QRSL1: variants seen among roughly 807,000 people sequenced by gnomAD.
The protein encoded by QRSL1 is glutamyl-tRNA(Gln) amidotransferase subunit A, mitochondrial.
A neutral mutation model predicts 61.6 loss-of-function variants in QRSL1; 54 were observed. That is an observed-to-expected ratio of 0.88 (90% CI 0.70 to 1.10). QRSL1 has a LOEUF of 1.10. Among genes scored for constraint, QRSL1 ranks in the 50% least tolerant of loss-of-function variants. QRSL1 has a pLI of 0.00. For missense variants in QRSL1, 505 were observed against 622.6 expected, an observed-to-expected ratio of 0.81 and a Z score of 2.01; for synonymous variants, 228 against 225.7, an observed-to-expected ratio of 1.01 and a Z score of -0.09.
Position 106,652,302 on chromosome 6 carries a change from T to A in QRSL1, c.651T>A (p.Arg217=), listed in dbSNP as rs768131259. 6.2e-7 allele frequency: 1 copy of A among 1,614,208 alleles called. No individual in the cohort carries two copies. The highest frequency in any genetic ancestry group is 1.1e-5 in the South Asian group (1 of 91,082). ...GFKPSYGLVS[R]HGLIPLVNSM... Reference sequence around the variant, plus strand: ...AACCAAGCTATGGCTTAGTTTCCCGTCATGGTCTCATTCCCCTGGTGAATT... The same window carrying A: ...AACCAAGCTATGGCTTAGTTTCCCGACATGGTCTCATTCCCCTGGTGAATT... The change falls in exon 6 of 11, where the codon CGT becomes CGA. Residue 217 remains arginine, a synonymous_variant. Coordinates refer to ENST00000369046, the MANE Select transcript of QRSL1 (RefSeq NM_018292.5).
At chr6:106,652,175 C>G (rs1234867095) in intron 5 of QRSL1, 34 bp from the exon 6 acceptor site, 2 of 1,555,284 alleles carry the variant, frequency 1.3e-6, no homozygotes, top group Non-Finnish European at 1.8e-6. Flanking sequence ...AGAGATATAT[C>G]ATTCTTCTAA....
rs4031010 is a variant in QRSL1 at position 106,666,416 on chromosome 6, TAC to T, written c.*416_*417del. ...ATTCTTGTAATTAGGTTCTTGTTAA[TAC>T]AGTCATTCCATGGAATTACTTTTTA... On this transcript the variant is annotated 3_prime_UTR_variant, in exon 11 of 11. Transcript: ENST00000369046. 0.34 allele frequency: 60,451 copies of T among 176,524 alleles called. 10,949 individuals are homozygous for T. The highest frequency in any genetic ancestry group is 0.41 in the Non-Finnish European group (33,373 of 81,472). 10.9% of individuals were successfully genotyped at this position (176,524 alleles called of 1,614,324 possible). A position where few individuals can be genotyped will look rare whatever the true frequency, so the allele number is the denominator to read the frequency against.
At position 106,642,634 on chromosome 6, in the gene QRSL1, T is replaced by C; in HGVS notation, c.284-360T>C. The C allele has an allele frequency of 1.4e-5, 11 of 780,122 alleles. No homozygotes were observed. The Admixed American group carries it at 1.5e-4, about 11-fold the overall frequency. The allele number at this position is 780,122 out of a possible 1,614,324, so 48.3% of individuals were successfully genotyped here. A position where few individuals can be genotyped will look rare whatever the true frequency, so the allele number is the denominator to read the frequency against. The stretch of plus-strand genomic sequence containing the variant: ...CCCACAAGTGTTACCATGGCAAAAC[T>C]GGAGAGTACACAGTGTTCCCCAGCA... On this transcript the variant is annotated intron_variant, in intron 3 of 10. Transcript: ENST00000369046.
chr6:106,638,027 T>C (rs1776950785), intron 1 of QRSL1, among the ~76,000 whole-genome samples: 1 of 152,206 alleles, frequency 6.6e-6, no homozygotes, highest in South Asian at 2.1e-4. Flanking sequence ...CTTATACCAG[T>C]CTGGAAGCAG....
intron 4 of QRSL1, among the ~76,000 whole-genome samples, chr6:106,644,589 C>T (rs2114705770): frequency 6.6e-6 from 1 of 152,272 alleles, no homozygotes; most frequent in South Asian, 2.1e-4. Flanking sequence ...GGCACGATCT[C>T]GGCTCACTAC....
intron 1 of QRSL1, among the ~76,000 whole-genome samples, chr6:106,639,887 C>T (rs1196862767): frequency 6.6e-6 from 1 of 152,150 alleles, no homozygotes; most frequent in African/African-American, 2.4e-5. Context: ...CTTACTCGAA[C>T]TCCACAATAG....
chr6:106,667,471 C>G lies in QRSL1; in HGVS notation c.*1469C>G, dbSNP rs183304032. On this transcript the variant is annotated 3_prime_UTR_variant, in exon 11 of 11. Transcript: ENST00000369046. Reference sequence around the variant, plus strand: ...TCTCATATTGATCAGGTATTTTAATCTAGCACTTACATATTGTTGATAAAT... The same window carrying G: ...TCTCATATTGATCAGGTATTTTAATGTAGCACTTACATATTGTTGATAAAT... 43 of 152,278 alleles carry G rather than the reference C, an allele frequency of 2.8e-4. No homozygotes were observed. In the East Asian group the frequency reaches 7.5e-3, roughly 27 times the overall value. 9.4% of individuals were successfully genotyped at this position (152,278 alleles called of 1,614,324 possible).
At chr6:106,637,201 G>A (rs1396768234) in intron 1 of QRSL1, among the ~76,000 whole-genome samples, 6 of 152,212 alleles carry the variant, frequency 3.9e-5, no homozygotes, top group African/African-American at 1.4e-4. Flanking sequence ...TAAGTGAGCT[G>A]AAGGGCTGGA....
chr6:106,661,768 A>G (rs770922272), intron 9 of QRSL1, among the ~76,000 whole-genome samples: 1 of 124,484 alleles, frequency 8.0e-6, no homozygotes, highest in African/African-American at 3.0e-5. Flanking sequence ...CTGGAGTGCA[A>G]TGGAGCGATC....
chr6:106,655,402 G>A (rs1398558076), intron 8 of QRSL1, among the ~76,000 whole-genome samples: 1 of 151,494 alleles, frequency 6.6e-6, no homozygotes, highest in Admixed American at 6.6e-5. Flanking sequence ...TGTAATCTAA[G>A]CTACTCAGGA....
intron 9 of QRSL1, among the ~76,000 whole-genome samples, chr6:106,662,001 G>A (rs1777364682): frequency 6.6e-6 from 1 of 152,088 alleles, no homozygotes; most frequent in African/African-American, 2.4e-5. Context: ...GTGAGCCACT[G>A]CGCCCGGCCT....
intron 4 of QRSL1, among the ~76,000 whole-genome samples, chr6:106,644,069 G>A (rs188079380): frequency 6.6e-6 from 1 of 151,932 alleles, no homozygotes; most frequent in African/African-American, 2.4e-5. Flanking sequence ...ATTGGGTGTC[G>A]CCATGTTGGC....
intron 1 of QRSL1, among the ~76,000 whole-genome samples, chr6:106,639,116 G>GTTTTTTTTTTTTTTTTTTTT (rs1554200732): frequency 1.1e-4 from 6 of 54,360 alleles, no homozygotes; most frequent in Admixed American, 7.6e-4. Flanking sequence ...TGTGTGTTTT[G>GTTTTTTTTTTTTTTTTTTTT]TTGTTTTTTT....
At chr6:106,660,468 G>T (rs1460562969) in intron 9 of QRSL1, among the ~76,000 whole-genome samples, 2 of 152,002 alleles carry the variant, frequency 1.3e-5, no homozygotes, top group Non-Finnish European at 2.9e-5. Flanking sequence ...GACCACACCT[G>T]GCCTGGCTTA....
rs764351631 is a variant in QRSL1, at chr6:106,655,775, C to T, written c.1160+43C>T. 3 of 1,173,292 alleles carry T rather than the reference C, an allele frequency of 2.6e-6. No individual in the cohort carries two copies. The African/African-American group carries it at 4.6e-5, about 18-fold the overall frequency. The allele number at this position is 1,173,292 out of a possible 1,614,324, so 72.7% of individuals were successfully genotyped here. ...GGAATTTTCTTCATTCTTGAAACCTCAAGTAACATGTCTCTTATCAGGTCT... is the reference window on the plus strand; with the variant it reads ...GGAATTTTCTTCATTCTTGAAACCTTAAGTAACATGTCTCTTATCAGGTCT... On this transcript the variant is annotated intron_variant, in intron 9 of 10. Coordinates refer to ENST00000369046, the MANE Select transcript of QRSL1 (RefSeq NM_018292.5).
intron 1 of QRSL1, among the ~76,000 whole-genome samples, chr6:106,631,385 G>A (rs1311180015): frequency 6.6e-6 from 1 of 152,136 alleles, no homozygotes; most frequent in Non-Finnish European, 1.5e-5. Context: ...ATTTATTTTG[G>A]AGTAGCAATG....
chr6:106,642,501 G>A (rs1777037480), intron 3 of QRSL1: 1 of 693,044 alleles, frequency 1.4e-6, no homozygotes, highest in South Asian at 1.5e-5. Flanking sequence ...CCCAATATGT[G>A]TTTTCTAGGC....
chr6:106,652,235 C>T lies in QRSL1; in HGVS notation c.584C>T (p.Ser195Leu), dbSNP rs759025160. The T allele has an allele frequency of 6.2e-6, 10 of 1,613,814 alleles. No homozygotes were observed. Among genetic ancestry groups the T allele is most frequent in the African/African-American group, 1.3e-5 (1 of 74,860 alleles). Residue 195 changes from serine to leucine, a missense_variant, in exon 6 of 11, where the codon TCG (serine) becomes TTG (leucine). Transcript: ENST00000369046. ...GCTTTAGGATCAGATACAGGAGGAT[C>T]GACCAGAAATCCTGCTGCCCACTGT... Reference protein sequence around the residue: ...YAALGSDTGGSTRNPAAHCGL... With the variant: ...YAALGSDTGGLTRNPAAHCGL...
chr6:106,644,806 A>G (rs1777082921), intron 4 of QRSL1, among the ~76,000 whole-genome samples: 1 of 152,242 alleles, frequency 6.6e-6, no homozygotes, highest in South Asian at 2.1e-4. Context: ...GACGTGAGCC[A>G]TCGTGCCTGG....
Sources: gnomAD v4.1 joint callset for allele counts (sites outside exome capture counted in the v4.1 genomes callset) on GRCh38, gnomAD v4.1.1 for gene constraint, MANE v1.5 for transcripts, NCBI Gene and HGNC (gene_info 2026-07-23, HGNC 2026-07-21) for gene names.